TMC1: variants seen among roughly 807,000 people sequenced by gnomAD.
TMC1 encodes the protein transmembrane channel like 1, also known as transmembrane channel-like protein 1.
TMC1 carries 84 observed loss-of-function variants against 105.8 expected under a neutral mutation model. The observed-to-expected ratio is 0.79, with a 90% CI of 0.67 to 0.95. The LOEUF (loss-of-function observed/expected upper bound fraction) is 0.95. Ranked by LOEUF, TMC1 falls within the 40% of genes least tolerant of loss-of-function variation. The probability of loss-of-function intolerance (pLI) is 0.00; values close to 1 mark genes in which losing one functional copy is unlikely to be tolerated. For missense variants in TMC1, 817 were observed against 914.1 expected (o/e 0.89, Z 1.37); for synonymous variants, 315 against 311.5 (o/e 1.01, Z -0.12).
intron 7 of TMC1, among the ~76,000 whole-genome samples, chr9:72,699,956 CAAAAAA>C (rs61062887): frequency 2.1e-5 from 1 of 46,580 alleles, no homozygotes. Flanking sequence ...GACTCTGTCT[CAAAAAA>C]AAAAAAAAAA....
chr9:72,601,189 C>G (rs895455946), intron 2 of TMC1, among the ~76,000 whole-genome samples: 3 of 129,508 alleles, frequency 2.3e-5, no homozygotes, highest in Admixed American at 7.6e-5. Flanking sequence ...CACACACACA[C>G]ACACAGACAC....
At chr9:72,819,151 A>G (rs1828832590) in intron 19 of TMC1, among the ~76,000 whole-genome samples, 1 of 152,230 alleles carries the variant, frequency 6.6e-6, no homozygotes, top group Admixed American at 6.5e-5. Flanking sequence ...CCTTCACTTT[A>G]GAGACCCAGA....
At chr9:72,815,456 T>C (rs192477971) in intron 18 of TMC1, among the ~76,000 whole-genome samples, 3 of 152,248 alleles carry the variant, frequency 2.0e-5, no homozygotes, top group African/African-American at 7.2e-5. Context: ...ATTGAAAAAA[T>C]TTTTAATATG....
chr9:72,816,899 T>C (rs1156420310), intron 19 of TMC1, among the ~76,000 whole-genome samples: 1 of 152,172 alleles, frequency 6.6e-6, no homozygotes, highest in African/African-American at 2.4e-5. Context: ...CCGATTCATC[T>C]GGGGACCATG....
chr9:72,587,636 G>A lies in TMC1; in HGVS notation c.-306+9613G>A, dbSNP rs531276610. Among the ~76,000 whole-genome samples the A allele has an allele frequency of 3.9e-5, 6 of 152,262 alleles. No homozygotes were observed. In the East Asian group the frequency reaches 1.2e-3, roughly 29 times the overall value. On this transcript the variant is annotated intron_variant, in intron 2 of 23. Transcript: ENST00000297784. ...TCTACCACCACTATGAGAGGGGGAAGGAAATTTGTTGGATTGTACCCTGAA... is the reference window on the plus strand; with the variant it reads ...TCTACCACCACTATGAGAGGGGGAAAGAAATTTGTTGGATTGTACCCTGAA...
intron 12 of TMC1, among the ~76,000 whole-genome samples, chr9:72,764,930 A>G (rs982134077): frequency 9.9e-5 from 15 of 152,218 alleles, no homozygotes; most frequent in African/African-American, 2.7e-4. Context: ...GCACTTGGGA[A>G]CATAATGGAA....
At chr9:72,764,530 A>G (rs1216007523) in intron 12 of TMC1, among the ~76,000 whole-genome samples, 1 of 152,154 alleles carries the variant, frequency 6.6e-6, no homozygotes, top group Non-Finnish European at 1.5e-5. Context: ...AAAATTAAAG[A>G]GTTTTTCCAG....
At chr9:72,532,926 G>A (rs1243118472) in intron 1 of TMC1, among the ~76,000 whole-genome samples, 1 of 152,166 alleles carries the variant, frequency 6.6e-6, no homozygotes, top group Non-Finnish European at 1.5e-5. Flanking sequence ...TGCTAAAAGG[G>A]AGTCAGTCCA....
At chr9:72,582,883 AT>A (rs982807825) in intron 2 of TMC1, among the ~76,000 whole-genome samples, 89 of 152,316 alleles carry the variant, frequency 5.8e-4, no homozygotes, top group African/African-American at 2.0e-3. Flanking sequence ...TCCATTCAAA[AT>A]TTCCACAAAG....
At chr9:72,584,742 C>CCTTA (rs1824526111) in intron 2 of TMC1, among the ~76,000 whole-genome samples, 1 of 150,868 alleles carries the variant, frequency 6.6e-6, no homozygotes, top group Non-Finnish European at 1.5e-5. Flanking sequence ...TTCTCGAATG[C>CCTTA]CTTACAACGT....
chr9:72,725,560 CG>C (rs1485206958), intron 8 of TMC1, among the ~76,000 whole-genome samples: 3 of 151,382 alleles, frequency 2.0e-5, no homozygotes, highest in Non-Finnish European at 4.4e-5. Flanking sequence ...AAGATGTTGT[CG>C]GGGAGGCTAG....
intron 8 of TMC1, among the ~76,000 whole-genome samples, chr9:72,731,696 A>G (rs1055928533): frequency 5.3e-5 from 8 of 152,194 alleles, no homozygotes; most frequent in Non-Finnish European, 7.3e-5. Flanking sequence ...ACATTAGGGC[A>G]TGCCAGATCC....
chr9:72,772,694 T>C (rs946814848), intron 13 of TMC1, 139 bp downstream of exon 13: 11 of 1,139,706 alleles, frequency 9.7e-6, no homozygotes, highest in Non-Finnish European at 1.3e-5. Flanking sequence ...AATGTAGTTT[T>C]AATACCAACA....
chr9:72,571,023 A>G (rs76679948), intron 1 of TMC1, among the ~76,000 whole-genome samples: 18,639 of 147,686 alleles, frequency 0.13, 1,316 homozygotes, highest in Non-Finnish European at 0.17. Context: ...TTTCAGATAT[A>G]GAAAACTACC....
chr9:72,621,099 A>G (rs1418901902), intron 3 of TMC1, among the ~76,000 whole-genome samples: 1 of 152,208 alleles, frequency 6.6e-6, no homozygotes, highest in South Asian at 2.1e-4. Flanking sequence ...ATGTCTTTTC[A>G]TAACTGATTA....
chr9:72,638,316 C>A (rs1237601129), intron 4 of TMC1, among the ~76,000 whole-genome samples: 1 of 152,186 alleles, frequency 6.6e-6, no homozygotes, highest in Non-Finnish European at 1.5e-5. Flanking sequence ...GTAACTGAAA[C>A]CTAGAGGCCC....
intron 8 of TMC1, among the ~76,000 whole-genome samples, chr9:72,720,230 A>G (rs1458950915): frequency 6.6e-6 from 1 of 152,184 alleles, no homozygotes; most frequent in African/African-American, 2.4e-5. Flanking sequence ...TTGTGTGGAA[A>G]CTTACCTTGG....
At chr9:72,545,422 G>A (rs1823750779) in intron 1 of TMC1, among the ~76,000 whole-genome samples, 1 of 151,874 alleles carries the variant, frequency 6.6e-6, no homozygotes, top group Non-Finnish European at 1.5e-5. Context: ...TTGGCAAACT[G>A]GTCAATGATT....
At chr9:72,748,637 T>G (rs989001483) in intron 10 of TMC1, among the ~76,000 whole-genome samples, 2 of 152,202 alleles carry the variant, frequency 1.3e-5, no homozygotes, top group Admixed American at 1.3e-4. Flanking sequence ...GGCATTTCTT[T>G]TTAGTGAACA....
Sources: allele counts gnomAD v4.1 joint callset (sites outside exome capture counted in the v4.1 genomes callset), GRCh38; gene constraint gnomAD v4.1.1; transcripts MANE v1.5; gene names NCBI Gene and HGNC (gene_info 2026-07-23, HGNC 2026-07-21).